SERPINI1: variants seen among roughly 807,000 people sequenced by gnomAD.
SERPINI1 encodes the protein neuroserpin.
SERPINI1 carries 19 observed loss-of-function variants against 41.1 expected under a neutral mutation model. That is an observed-to-expected ratio of 0.46 (90% CI 0.32 to 0.68). SERPINI1 has a LOEUF of 0.68. SERPINI1 is among the 30% of genes least tolerant of loss of function. The pLI is 0.03. For synonymous variants in SERPINI1, 138 were observed against 156.6 expected, an observed-to-expected ratio of 0.88 and a Z score of 0.89; for missense variants, 460 against 479.2, an observed-to-expected ratio of 0.96 and a Z score of 0.37.
At chr3:167,803,237 T>C (rs1270719323) in intron 5 of SERPINI1, among the ~76,000 whole-genome samples, 1 of 151,638 alleles carries the variant, frequency 6.6e-6, no homozygotes, top group South Asian at 2.1e-4. Context: ...GTAACTAACC[T>C]GCACATTGTG....
chr3:167,770,924 G>T (rs146495929), intron 1 of SERPINI1, among the ~76,000 whole-genome samples: 1 of 152,094 alleles, frequency 6.6e-6, no homozygotes, highest in East Asian at 1.9e-4. Flanking sequence ...TACCCTCATG[G>T]TGTTGTTTAT....
chr3:167,813,228 A>G (rs1269199502), intron 6 of SERPINI1, among the ~76,000 whole-genome samples: 3 of 152,100 alleles, frequency 2.0e-5, no homozygotes, highest in African/African-American at 7.2e-5. Flanking sequence ...TCTTGCCTGG[A>G]TTACTGCAAC....
At chr3:167,786,487 G>A (rs1259380931) in intron 1 of SERPINI1, among the ~76,000 whole-genome samples, 20 of 130,182 alleles carry the variant, frequency 1.5e-4, no homozygotes, top group African/African-American at 5.2e-4. Context: ...CAGCCTGGGC[G>A]ACAGAGGGAG....
intron 5 of SERPINI1, among the ~76,000 whole-genome samples, chr3:167,801,672 A>G (rs559585984): frequency 6.6e-6 from 1 of 152,124 alleles, no homozygotes; most frequent in African/African-American, 2.4e-5. Flanking sequence ...TATTATTCAT[A>G]AAAGGATTTG....
chr3:167,786,792 A>G (rs967619768), intron 1 of SERPINI1, among the ~76,000 whole-genome samples: 1 of 152,244 alleles, frequency 6.6e-6, no homozygotes, highest in South Asian at 2.1e-4. Flanking sequence ...TGTTTAAAAA[A>G]CTTTTTGACC....
intron 4 of SERPINI1, among the ~76,000 whole-genome samples, chr3:167,794,228 G>A (rs1305894554): frequency 6.6e-6 from 1 of 152,002 alleles, no homozygotes. Context: ...TTGAATACAT[G>A]TTATTATAAA....
intron 1 of SERPINI1, among the ~76,000 whole-genome samples, chr3:167,784,887 A>T (rs1727258587): frequency 6.6e-6 from 1 of 152,198 alleles, no homozygotes; most frequent in Non-Finnish European, 1.5e-5. Flanking sequence ...AACTTAAAAA[A>T]ATATAGATAC....
chr3:167,803,448 A>C (rs1350258939), intron 5 of SERPINI1, among the ~76,000 whole-genome samples: 1 of 152,166 alleles, frequency 6.6e-6, no homozygotes, highest in Non-Finnish European at 1.5e-5. Flanking sequence ...TGTTATACAT[A>C]ACTACAATAT....
chr3:167,799,728 C>G (rs1025809851), intron 5 of SERPINI1, among the ~76,000 whole-genome samples: 2 of 152,114 alleles, frequency 1.3e-5, no homozygotes, highest in African/African-American at 4.8e-5. Context: ...TTTTAATGAT[C>G]GCCATTCTAA....
intron 1 of SERPINI1, among the ~76,000 whole-genome samples, chr3:167,776,022 G>A (rs1262991355): frequency 6.6e-6 from 1 of 152,196 alleles, no homozygotes; most frequent in African/African-American, 2.4e-5. Flanking sequence ...CTTACCAGGT[G>A]TTTCCAGCAT....
intron 1 of SERPINI1, among the ~76,000 whole-genome samples, chr3:167,777,686 A>G (rs1420339265): frequency 6.6e-6 from 1 of 152,220 alleles, no homozygotes; most frequent in East Asian, 1.9e-4. Flanking sequence ...TATTAAATAT[A>G]TAAGAAAGTA....
chr3:167,815,686 G>A (rs768434337), intron 6 of SERPINI1, among the ~76,000 whole-genome samples: 4 of 152,012 alleles, frequency 2.6e-5, no homozygotes, highest in Non-Finnish European at 5.9e-5. Context: ...CACTATGCCC[G>A]GCCTTCTTAT....
intron 1 of SERPINI1, among the ~76,000 whole-genome samples, chr3:167,766,848 T>C (rs146563388): frequency 6.6e-6 from 1 of 152,336 alleles, no homozygotes; most frequent in East Asian, 1.9e-4. Context: ...GAAGAAAAGA[T>C]TGAAGCCAGC....
At chr3:167,744,114 C>G (rs1166723654) in intron 1 of SERPINI1, among the ~76,000 whole-genome samples, 1 of 152,040 alleles carries the variant, frequency 6.6e-6, no homozygotes, top group South Asian at 2.1e-4. Context: ...TTAAGAATGT[C>G]AGCTCTACAG....
intron 1 of SERPINI1, among the ~76,000 whole-genome samples, chr3:167,741,481 G>A (rs540867948): frequency 6.6e-6 from 1 of 152,156 alleles, no homozygotes; most frequent in South Asian, 2.1e-4. Flanking sequence ...TACCCACATT[G>A]GATTGCTTCT....
At chr3:167,810,211 CAT>C (rs1711822392) in intron 6 of SERPINI1, among the ~76,000 whole-genome samples, 1 of 151,986 alleles carries the variant, frequency 6.6e-6, no homozygotes, top group African/African-American at 2.4e-5. Flanking sequence ...GTATCATTTT[CAT>C]ATGTCTAGTT....
intron 1 of SERPINI1, among the ~76,000 whole-genome samples, chr3:167,755,658 C>G (rs1196292880): frequency 1.3e-5 from 2 of 152,084 alleles, no homozygotes; most frequent in Non-Finnish European, 2.9e-5. Flanking sequence ...ATGGCATAGT[C>G]TTTTAAAAAT....
chr3:167,789,900 T>C (rs1157487099), intron 2 of SERPINI1, among the ~76,000 whole-genome samples: 1 of 152,168 alleles, frequency 6.6e-6, no homozygotes, highest in Non-Finnish European at 1.5e-5. Flanking sequence ...GACATGATGT[T>C]TGATTTCTAT....
At chr3:167,761,630 C>A (rs1039563992) in intron 1 of SERPINI1, among the ~76,000 whole-genome samples, 50 of 152,180 alleles carry the variant, frequency 3.3e-4, no homozygotes, top group African/African-American at 1.2e-3. Flanking sequence ...TCAATACACT[C>A]AATAATGTCT....
Sources: allele counts gnomAD v4.1 joint callset (sites outside exome capture counted in the v4.1 genomes callset), GRCh38; gene constraint gnomAD v4.1.1; transcripts MANE v1.5; gene names NCBI Gene and HGNC (gene_info 2026-07-23, HGNC 2026-07-21).